TTC6: variants seen among roughly 807,000 people sequenced by gnomAD.
TTC6 encodes the protein tetratricopeptide repeat protein 6.
In TTC6, 172 loss-of-function variants were observed where a neutral mutation model predicts 210.4. The ratio of observed to expected loss-of-function variants is 0.82; its 90% CI spans 0.72 to 0.93. The LOEUF (loss-of-function observed/expected upper bound fraction) is 0.93. TTC6 is among the 40% of genes least tolerant of loss of function. The pLI is 0.00. For synonymous variants in TTC6, 804 were observed against 819.6 expected (o/e 0.98, Z 0.32); for missense variants, 2,414 against 2,318.1 (o/e 1.04, Z -0.85).
chr14:37,788,124 A>T (rs1014634829), intron 15 of TTC6, among the ~76,000 whole-genome samples: 5 of 152,124 alleles, frequency 3.3e-5, no homozygotes, highest in African/African-American at 1.2e-4. Flanking sequence ...CCCCTAAACT[A>T]AAAATAGGTT....
chr14:37,838,471 C>T (rs1034346064), intron 29 of TTC6, among the ~76,000 whole-genome samples: 4 of 152,104 alleles, frequency 2.6e-5, no homozygotes, highest in Non-Finnish European at 5.9e-5. Flanking sequence ...CCTTTCAGAT[C>T]GAAGATGAGT....
chr14:37,789,901 A>G (rs1347335182), intron 15 of TTC6, among the ~76,000 whole-genome samples: 3 of 151,990 alleles, frequency 2.0e-5, no homozygotes, highest in African/African-American at 7.2e-5. Flanking sequence ...TATTTTGACA[A>G]AACTTTGCAC....
upstream of TTC6, among the ~76,000 whole-genome samples, chr14:37,617,386 G>A (rs1281528829): frequency 6.6e-6 from 1 of 152,138 alleles, no homozygotes; most frequent in Non-Finnish European, 1.5e-5. Flanking sequence ...AGCTTTTATA[G>A]TTATTGAAAT....
chr14:37,807,526 G>A, intron 23 of TTC6, 66 bp downstream of exon 25: 2 of 1,331,992 alleles, frequency 1.5e-6, no homozygotes, highest in Non-Finnish European at 2.0e-6. Flanking sequence ...TGCTAGGCAG[G>A]GGACTCACTT....
At chr14:37,803,110 GA>G (rs138743532) in intron 20 of TTC6, among the ~76,000 whole-genome samples, 1,893 of 152,114 alleles carry the variant, frequency 0.012, 29 homozygotes, top group African/African-American at 0.043. Flanking sequence ...CACATTTGGA[GA>G]TTTTGGTCTC....
At chr14:37,654,833 C>G (rs933583449) in intron 1 of TTC6, among the ~76,000 whole-genome samples, 1 of 152,048 alleles carries the variant, frequency 6.6e-6, no homozygotes, top group African/African-American at 2.4e-5. Context: ...TAATAGCACG[C>G]CCAGAATATG....
chr14:37,687,086 G>GA (rs1328081380), intron 3 of TTC6, among the ~76,000 whole-genome samples: 1 of 152,122 alleles, frequency 6.6e-6, no homozygotes, highest in African/African-American at 2.4e-5. Context: ...GAAGACACAG[G>GA]AAAAATAGTC....
Position 37,622,733 on chromosome 14 carries a change from AGT to A in TTC6, c.671_672del (p.Val224GlufsTer110). 1.3e-6 allele frequency: 2 copies of A among 1,535,018 alleles called. No homozygotes were observed. Among genetic ancestry groups the A allele is most frequent in the East Asian group, 4.9e-5 (2 of 40,854 alleles). ...TGGAGGCCAGCAGCGGGCGGAGGAAAGTGAGGATCCGCAGCAACTTCGTGAGC... is the reference window on the plus strand; with the variant it reads ...TGGAGGCCAGCAGCGGGCGGAGGAAAGAGGATCCGCAGCAACTTCGTGAGC... On this transcript the variant is annotated frameshift_variant, in exon 1 of 31. Coordinates refer to ENST00000553443, the Ensembl canonical transcript of TTC6. LOFTEE classifies it high-confidence loss of function.
chr14:37,787,518 C>T (rs370258655), exon 15 of TTC6: 8 of 1,531,192 alleles, frequency 5.2e-6, no homozygotes, highest in East Asian at 4.9e-5. Flanking sequence ...AAAGAAGCAA[C>T]TCAAGATTTT....
intron 1 of TTC6, among the ~76,000 whole-genome samples, chr14:37,625,644 G>C (rs1004151224): frequency 5.9e-5 from 9 of 151,780 alleles, no homozygotes; most frequent in Non-Finnish European, 1.2e-4. Flanking sequence ...AAGGACTTTT[G>C]TTTTAAACGT....
intron 1 of TTC6, among the ~76,000 whole-genome samples, chr14:37,601,983 A>G (rs2095616397): frequency 3.3e-5 from 5 of 152,264 alleles, no homozygotes; most frequent in Admixed American, 3.3e-4. Context: ...TAATATGTTT[A>G]AATTGGCAAA....
At chr14:37,633,714 GAAGTA>G (rs1398891007) in intron 1 of TTC6, among the ~76,000 whole-genome samples, 1 of 152,202 alleles carries the variant, frequency 6.6e-6, no homozygotes, top group Non-Finnish European at 1.5e-5. Context: ...ACATCGTCCA[GAAGTA>G]AAGAGGCCAC....
At chr14:37,605,984 G>A (rs1230852987) in intron 1 of TTC6, among the ~76,000 whole-genome samples, 1 of 151,726 alleles carries the variant, frequency 6.6e-6, no homozygotes, top group African/African-American at 2.4e-5. Context: ...AGACTTCCAA[G>A]GTGCTCCAAA....
At chr14:37,764,750 C>T (rs2095993657) in intron 14 of TTC6, among the ~76,000 whole-genome samples, 1 of 151,978 alleles carries the variant, frequency 6.6e-6, no homozygotes, top group African/African-American at 2.4e-5. Context: ...TTAGATTAGA[C>T]AATTTAACCT....
chr14:37,753,015 A>T, intron 13 of TTC6, 84 bp from the exon 16 acceptor site: 2 of 1,081,142 alleles, frequency 1.8e-6, no homozygotes, highest in Non-Finnish European at 2.4e-6. Flanking sequence ...GAAGTTAAAA[A>T]CATAGTTTTA....
At chr14:37,783,759 T>C (rs1472095000) in intron 14 of TTC6, among the ~76,000 whole-genome samples, 3 of 152,108 alleles carry the variant, frequency 2.0e-5, no homozygotes, top group Admixed American at 6.5e-5. Flanking sequence ...CTTTCTCTTA[T>C]GGGCATTTAG....
exon 1 of TTC6, chr14:37,622,672 G>A (rs1319448818): frequency 6.5e-7 from 1 of 1,535,182 alleles, no homozygotes; most frequent in Non-Finnish European, 8.7e-7. Flanking sequence ...GCCAAAGAGA[G>A]GAAGGCCAGC....
chr14:37,701,764 G>A (rs1290638787), intron 5 of TTC6, among the ~76,000 whole-genome samples: 2 of 152,082 alleles, frequency 1.3e-5, no homozygotes, highest in African/African-American at 4.8e-5. Flanking sequence ...TATTCCCAGA[G>A]TGTTACATAC....
chr14:37,709,800 A>G lies in TTC6; in HGVS notation c.1572-4855A>G, dbSNP rs113611117. ...TCTTTTTAAAACATACATAATATTC[A>G]TATGCCTCTGCTGCAGATTTCAAAG... On this transcript the variant is annotated intron_variant, in intron 5 of 30. Transcript: ENST00000553443. 1.3e-5 allele frequency among the ~76,000 whole-genome samples: 2 copies of G among 152,118 alleles called. 1 individual carries two copies. The highest frequency in any genetic ancestry group is 4.8e-5 in the African/African-American group (2 of 41,548).
Sources: allele counts gnomAD v4.1 joint callset (sites outside exome capture counted in the v4.1 genomes callset), GRCh38; gene constraint gnomAD v4.1.1; transcripts MANE v1.5; gene names NCBI Gene and HGNC (gene_info 2026-07-23, HGNC 2026-07-21).